PNMT: variants seen among roughly 807,000 people sequenced by gnomAD.
PNMT encodes noradrenaline N-methyltransferase.
PNMT carries 18 observed loss-of-function variants against 18.9 expected under a neutral mutation model. The observed-to-expected ratio is 0.95, with a 90% confidence interval of 0.66 to 1.41. PNMT has a LOEUF of 1.41. Among genes scored for constraint, PNMT ranks in the 40% most tolerant of loss-of-function variants. The pLI is 0.00. For synonymous variants in PNMT, 167 were observed against 168.6 expected, an observed-to-expected ratio of 0.99 and a Z score of 0.08; for missense variants, 378 against 387.0, an observed-to-expected ratio of 0.98 and a Z score of 0.20.
chr17:39,669,401 T>C (rs2057279303), intron 1 of PNMT, among the ~76,000 whole-genome samples: 1 of 152,172 alleles, frequency 6.6e-6, no homozygotes, highest in African/African-American at 2.4e-5. Context: ...GTCTTCTAGA[T>C]GTGAAACCTG....
chr17:39,670,034 T>C lies in PNMT; in HGVS notation c.494T>C (p.Leu165Pro). Residue 165 changes from leucine (L) to proline (P), a missense_variant, in exon 3 of 3, where the codon CTG becomes CCG. Leu to Pro is a moderately conservative substitution (Grantham distance 98). Coordinates refer to ENST00000269582, the MANE Select transcript of PNMT (RefSeq NM_002686.4). ...ATCGACGTGCACCAGCCCCAGCCCC[T>C]GGGTGCTGGGAGCCCAGCTCCCCTG... The part of the protein sequence containing the change: ...LPIDVHQPQP[L>P]GAGSPAPLPA... 1 of 1,606,010 alleles carries C rather than the reference T, an allele frequency of 6.2e-7. No homozygotes were observed. The highest frequency in any genetic ancestry group is 8.5e-7 in the Non-Finnish European group (1 of 1,179,682).
At chr17:39,668,804 G>A (rs930511792) in intron 1 of PNMT, 127 bp downstream of exon 1, 7 of 709,014 alleles carry the variant, frequency 9.9e-6, no homozygotes, top group African/African-American at 5.5e-5. Context: ...AGAAACAAGA[G>A]ATAGCTGAGA....
In PNMT at chr17:39,670,237, C is replaced by G. The variant is rs1031438222; in HGVS notation, c.697C>G (p.Pro233Ala). 1.3e-5 allele frequency: 21 copies of G among 1,610,086 alleles called. No individual in the cohort carries two copies. The highest frequency in any genetic ancestry group is 1.7e-5 in the Non-Finnish European group (20 of 1,178,892). The stretch of plus-strand genomic sequence containing the variant: ...TGGGGAGGCCAGGCTGACGGTGGTG[C>G]CAGTGTCTGAGGAGGAGGTGAGGGA... ...LAGEARLTVV[P>A]VSEEEVREAL... The change falls in exon 3 of 3, where the codon CCA (proline) becomes GCA (alanine). Residue 233 changes from proline to alanine, a missense_variant. Coordinates refer to ENST00000269582, the MANE Select transcript of PNMT (RefSeq NM_002686.4).
At position 39,668,595 on chromosome 17, in the gene PNMT, C is replaced by T. The variant is rs1395742589; in HGVS notation, c.120C>T (p.Tyr40=). The part of the protein sequence containing the change: ...FEPRAYLRNN[Y]APPRGDLCNP... ...CGCGCGCCTACCTCCGCAACAACTACGCGCCCCCTCGCGGGGACCTGTGCA... is the reference window on the plus strand; with the variant it reads ...CGCGCGCCTACCTCCGCAACAACTATGCGCCCCCTCGCGGGGACCTGTGCA... Residue 40 remains tyrosine (Y), a synonymous_variant, in exon 1 of 3, where the codon TAC becomes TAT. Coordinates refer to ENST00000269582, the MANE Select transcript of PNMT (RefSeq NM_002686.4). 4 of 1,602,652 alleles carry T rather than the reference C, an allele frequency of 2.5e-6. No individual in the cohort carries two copies. Among genetic ancestry groups the T allele is most frequent in the Non-Finnish European group, 3.4e-6 (4 of 1,178,378 alleles).
chr17:39,669,940 C>T lies in PNMT; in HGVS notation c.411-11C>T. 6.3e-7 allele frequency: 1 copy of T among 1,596,816 alleles called. No individual in the cohort carries two copies. The highest frequency in any genetic ancestry group is 8.5e-7 in the Non-Finnish European group (1 of 1,171,236). On this transcript the variant is annotated splice_polypyrimidine_tract_variant and intron_variant, in intron 2 of 2. Coordinates refer to ENST00000269582, the MANE Select transcript of PNMT (RefSeq NM_002686.4). ...AACAGCCTTGAGCCCTGCCTTGTGC[C>T]TCCTGCACAGGGAATGCTGGCAGGA...
Position 39,668,464 on chromosome 17 carries a change from C to A in PNMT, c.-12C>A. 2 of 1,397,104 alleles carry A rather than the reference C, an allele frequency of 1.4e-6. No homozygotes were observed. The highest frequency in any genetic ancestry group is 1.8e-6 in the Non-Finnish European group (2 of 1,081,268). The allele number at this position is 1,397,104 out of a possible 1,614,324, so 86.5% of individuals were successfully genotyped here. Reference sequence around the variant, plus strand: ...GAGGCGAGCGGGGCACTGGGCGGACCGCGGCGGCAGCATGAGCGGCGCAGA... The same window carrying A: ...GAGGCGAGCGGGGCACTGGGCGGACAGCGGCGGCAGCATGAGCGGCGCAGA... On this transcript the variant is annotated 5_prime_UTR_variant, in exon 1 of 3. Coordinates refer to ENST00000269582, the MANE Select transcript of PNMT (RefSeq NM_002686.4).
chr17:39,670,458 A>C lies in PNMT; in HGVS notation c.*69A>C, dbSNP rs2057290723. ...CTGTTCTTTGAAGTGGCACCTAATA[A>C]AGAAATAATACCCTGCCGCTGCGGT... On this transcript the variant is annotated 3_prime_UTR_variant, in exon 3 of 3. Transcript: ENST00000269582. 2.0e-5 allele frequency: 24 copies of C among 1,195,930 alleles called. No individual in the cohort carries two copies. The South Asian group carries it at 3.4e-4, about 17-fold the overall frequency. 74.1% of individuals were successfully genotyped at this position (1,195,930 alleles called of 1,614,324 possible).
At position 39,670,159 on chromosome 17, in the gene PNMT, C is replaced by A; in HGVS notation, c.619C>A (p.Pro207Thr). Residue 207 changes from proline to threonine, a missense_variant, in exon 3 of 3, where the codon CCT becomes ACT. Coordinates refer to ENST00000269582, the MANE Select transcript of PNMT (RefSeq NM_002686.4). Reference sequence around the variant, plus strand: ...GGACCACATCACCACGCTGCTGAGGCCTGGGGGGCACCTCCTCCTCATCGG... The same window carrying A: ...GGACCACATCACCACGCTGCTGAGGACTGGGGGGCACCTCCTCCTCATCGG... ...ALDHITTLLR[P>T]GGHLLLIGAL... The A allele has an allele frequency of 6.2e-7, 1 of 1,612,070 alleles. No homozygotes were observed. The highest frequency in any genetic ancestry group is 8.5e-7 in the Non-Finnish European group (1 of 1,179,914).
Position 39,670,451 on chromosome 17 carries a change from C to G in PNMT, c.*62C>G. On this transcript the variant is annotated 3_prime_UTR_variant, in exon 3 of 3. Transcript: ENST00000269582. ...GGATTCCCTGTTCTTTGAAGTGGCA[C>G]CTAATAAAGAAATAATACCCTGCCG... is the stretch of plus-strand genomic sequence containing the variant. 1 of 1,308,480 alleles carries G rather than the reference C, an allele frequency of 7.6e-7. No individual in the cohort carries two copies. The highest frequency in any genetic ancestry group is 1.5e-5 in the South Asian group (1 of 67,716). 81.1% of individuals were successfully genotyped at this position (1,308,480 alleles called of 1,614,324 possible).
Position 39,669,942 on chromosome 17 carries a change from C to T in PNMT, c.411-9C>T, listed in dbSNP as rs770032044. 3.8e-6 allele frequency: 6 copies of T among 1,597,284 alleles called. No individual in the cohort carries two copies. In the Middle Eastern group the frequency reaches 5.0e-4, roughly 132 times the overall value. ...CAGCCTTGAGCCCTGCCTTGTGCCT[C>T]CTGCACAGGGAATGCTGGCAGGATA... is the stretch of plus-strand genomic sequence containing the variant. On this transcript the variant is annotated splice_polypyrimidine_tract_variant and intron_variant, in intron 2 of 2. Transcript: ENST00000269582.
Position 39,668,512 on chromosome 17 carries a change from G to T in PNMT, c.37G>T (p.Ala13Ser). Residue 13 changes from alanine (A) to serine (S), a missense_variant, in exon 1 of 3, where the codon GCC (alanine) becomes TCC (serine). Transcript: ENST00000269582. Reference protein sequence around the residue: ...GADRSPNAGAAPDSAPGQAAV... With the variant: ...GADRSPNAGASPDSAPGQAAV... ...AGACCGTAGCCCCAATGCGGGCGCA[G>T]CCCCTGACTCGGCCCCGGGCCAGGC... The T allele has an allele frequency of 6.5e-7, 1 of 1,534,288 alleles. No homozygotes were observed.
At chr17:39,668,203 C>T, upstream of PNMT, 1 of 325,790 alleles carries the variant, frequency 3.1e-6, no homozygotes, top group Non-Finnish European at 5.2e-6. Flanking sequence ...GCGGGGCAGG[C>T]GAGGCGGAGG....
In PNMT at chr17:39,668,618, G is replaced by A. The variant is rs2057274100; in HGVS notation, c.143G>A (p.Cys48Tyr). 1 of 1,607,026 alleles carries A rather than the reference G, an allele frequency of 6.2e-7. No individual in the cohort carries two copies. The highest frequency in any genetic ancestry group is 1.1e-5 in the South Asian group (1 of 90,594). Reference protein sequence around the residue: ...NNYAPPRGDLCNPNGVGPWKL... With the variant: ...NNYAPPRGDLYNPNGVGPWKL... ...TACGCGCCCCCTCGCGGGGACCTGT[G>A]CAACCCGAACGGCGTCGGGCCGTGG... The change falls in exon 1 of 3, where the codon TGC becomes TAC. Residue 48 changes from cysteine (C) to tyrosine (Y), a missense_variant. Physicochemically the swap from Cys to Tyr is radical, Grantham distance 194. Transcript: ENST00000269582.
At chr17:39,669,513 G>C (rs1490559830) in intron 1 of PNMT, 116 bp from the exon 2 acceptor site, 1 of 728,510 alleles carries the variant, frequency 1.4e-6, no homozygotes, top group African/African-American at 1.7e-5. Context: ...AGACACATTT[G>C]CAGAGGAGAA....
upstream of PNMT, chr17:39,668,086 G>C: frequency 1.1e-5 from 2 of 181,694 alleles, no homozygotes; most frequent in Non-Finnish European, 2.2e-5. Flanking sequence ...TGGCTGCGGG[G>C]GGCTGGAGAA....
Position 39,670,313 on chromosome 17 carries a change from T to A in PNMT, c.773T>A (p.Met258Lys). The change falls in exon 3 of 3, where the codon ATG (methionine) becomes AAG (lysine). Residue 258 changes from methionine (M) to lysine (K), a missense_variant. Met to Lys is a moderately conservative substitution (Grantham distance 95). Transcript: ENST00000269582. ...GTCCGGGACCTCCGCACCTATATCATGCCTGCCCACCTTCAGACAGGCGTA... is the reference window on the plus strand; with the variant it reads ...GTCCGGGACCTCCGCACCTATATCAAGCCTGCCCACCTTCAGACAGGCGTA... ...YKVRDLRTYI[M>K]PAHLQTGVDD... The A allele has an allele frequency of 2.5e-6, 4 of 1,610,962 alleles. No individual in the cohort carries two copies. The highest frequency in any genetic ancestry group is 3.4e-6 in the Non-Finnish European group (4 of 1,179,458).
chr17:39,668,809 C>T (rs1345696428), intron 1 of PNMT, 132 bp downstream of exon 1: 3 of 675,634 alleles, frequency 4.4e-6, no homozygotes, highest in East Asian at 5.9e-5. Context: ...CAAGAGATAG[C>T]TGAGAGGTGC....
In PNMT at chr17:39,670,419, C is replaced by G. The variant is rs777463910; in HGVS notation, c.*30C>G. 1 of 1,504,906 alleles carries G rather than the reference C, an allele frequency of 6.6e-7. No individual in the cohort carries two copies. The highest frequency in any genetic ancestry group is 8.9e-7 in the Non-Finnish European group (1 of 1,118,980). 93.2% of individuals were successfully genotyped at this position (1,504,906 alleles called of 1,614,324 possible). A position where few individuals can be genotyped will look rare whatever the true frequency, so the allele number is the denominator to read the frequency against. On this transcript the variant is annotated 3_prime_UTR_variant, in exon 3 of 3. Transcript: ENST00000269582. ...TGTACCTGGTGCCCTGTGGCCCCCA[C>G]CCACCTGGATTCCCTGTTCTTTGAA...
chr17:39,668,363 G>T, upstream of PNMT: 1 of 817,466 alleles, frequency 1.2e-6, no homozygotes, highest in Non-Finnish European at 1.7e-6. Flanking sequence ...CATGGCCCCG[G>T]GCGGCTCGGC....
Sources: allele counts gnomAD v4.1 joint callset (sites outside exome capture counted in the v4.1 genomes callset), GRCh38; gene constraint gnomAD v4.1.1; transcripts MANE v1.5; gene names NCBI Gene and HGNC (gene_info 2026-07-23, HGNC 2026-07-21).